Variants in SLC25A21 observed in about 807,000 individuals in gnomAD.
SLC25A21 encodes the protein solute carrier family 25 member 21.
Under a neutral mutation model 43.8 loss-of-function variants are expected in SLC25A21, and 47 were observed. The observed-to-expected ratio is 1.07, with a 90% CI of 0.85 to 1.37. The LOEUF (loss-of-function observed/expected upper bound fraction) is 1.37, where lower values mean the gene tolerates loss of function less well. Ranked by LOEUF, SLC25A21 falls within the 40% of genes most tolerant of loss-of-function variation. SLC25A21 has a pLI of 0.00. For synonymous variants in SLC25A21, 131 were observed against 121.3 expected, an observed-to-expected ratio of 1.08 and a Z score of -0.52; for missense variants, 352 against 350.2, an observed-to-expected ratio of 1.00 and a Z score of -0.04.
At chr14:37,139,279 A>G (rs1963533008) in intron 1 of SLC25A21, among the ~76,000 whole-genome samples, 2 of 152,148 alleles carry the variant, frequency 1.3e-5, no homozygotes, top group African/African-American at 4.8e-5. Flanking sequence ...AAAATAAATA[A>G]CAGGACAAAT....
At chr14:36,851,841 T>TTTGC (rs1036236029) in intron 2 of SLC25A21, among the ~76,000 whole-genome samples, 8 of 152,256 alleles carry the variant, frequency 5.3e-5, no homozygotes, top group Non-Finnish European at 1.0e-4. Context: ...CACACTGATG[T>TTTGC]TTGCTTGCTT....
At chr14:37,143,675 T>G (rs1963609790) in intron 1 of SLC25A21, among the ~76,000 whole-genome samples, 1 of 151,926 alleles carries the variant, frequency 6.6e-6, no homozygotes, top group Non-Finnish European at 1.5e-5. Context: ...TTTGACTGAT[T>G]TCATCATCAT....
chr14:36,716,973 T>A (rs79801903), intron 6 of SLC25A21, among the ~76,000 whole-genome samples: 2,067 of 152,310 alleles, frequency 0.014, 42 homozygotes, highest in African/African-American at 0.046. Context: ...ACGGGTGTTG[T>A]ACCGGATTTC....
At chr14:37,035,290 G>A (rs866755098) in intron 1 of SLC25A21, among the ~76,000 whole-genome samples, 2 of 152,200 alleles carry the variant, frequency 1.3e-5, no homozygotes, top group Admixed American at 6.5e-5. Flanking sequence ...GGGAAATACC[G>A]GAGTTTGCTT....
chr14:36,779,613 T>TAC (rs1173404000), intron 3 of SLC25A21, among the ~76,000 whole-genome samples: 11 of 19,514 alleles, frequency 5.6e-4, no homozygotes, highest in African/African-American at 2.6e-3. Flanking sequence ...TGTATACATA[T>TAC]ATATATATAT....
intron 1 of SLC25A21, among the ~76,000 whole-genome samples, chr14:36,915,428 C>CA (rs1249372997): frequency 6.6e-6 from 1 of 152,110 alleles, no homozygotes; most frequent in East Asian, 1.9e-4. Flanking sequence ...ATGCTAGAAA[C>CA]AATTCTATAG....
intron 1 of SLC25A21, among the ~76,000 whole-genome samples, chr14:36,934,231 C>G (rs1206003613): frequency 1.3e-5 from 2 of 151,988 alleles, no homozygotes; most frequent in African/African-American, 4.8e-5. Context: ...CTGTCTGAAT[C>G]TCAGGCAAAG....
intron 1 of SLC25A21, among the ~76,000 whole-genome samples, chr14:36,899,539 G>A (rs1178066506): frequency 6.6e-6 from 1 of 152,180 alleles, no homozygotes; most frequent in Non-Finnish European, 1.5e-5. Flanking sequence ...GCAGAGACCA[G>A]GGCCAGGAGG....
At chr14:36,860,073 T>G (rs1029666172) in intron 2 of SLC25A21, among the ~76,000 whole-genome samples, 9 of 150,434 alleles carry the variant, frequency 6.0e-5, no homozygotes, top group African/African-American at 2.2e-4. Flanking sequence ...ACAGTTAACG[T>G]GTACACAAAT....
intron 2 of SLC25A21, among the ~76,000 whole-genome samples, chr14:36,830,886 T>C (rs1222719537): frequency 6.6e-6 from 1 of 152,090 alleles, no homozygotes; most frequent in Non-Finnish European, 1.5e-5. Flanking sequence ...GTTGATCAAA[T>C]GGCCCCAGTT....
At position 36,684,873 on chromosome 14, in the gene SLC25A21, G is replaced by A. The variant is rs750373497; in HGVS notation, c.656C>T (p.Thr219Ile). 2 of 1,613,414 alleles carry A rather than the reference G, an allele frequency of 1.2e-6. No individual in the cohort carries two copies. Among genetic ancestry groups the A allele is most frequent in the African/African-American group, 2.7e-5 (2 of 74,816 alleles). Residue 219 changes from threonine (T) to isoleucine (I), a missense_variant, in exon 8 of 10, where the codon ACA becomes ATA. Physicochemically the swap from Thr to Ile is moderately conservative, Grantham distance 89. Transcript: ENST00000331299. ...RKFGIGLLSG[T>I]IASVINIPFD... ...AGGGATGTTAATGACTGAGGCTATT[G>A]TCCCCGAGAGAAGACCAATCCCAAA...
chr14:37,118,787 T>C (rs1204196816), intron 1 of SLC25A21, among the ~76,000 whole-genome samples: 1 of 152,072 alleles, frequency 6.6e-6, no homozygotes, highest in East Asian at 1.9e-4. Flanking sequence ...AAATCCACCA[T>C]TACAATAATT....
chr14:37,086,258 T>C lies in SLC25A21; in HGVS notation c.70+86023A>G, dbSNP rs79588031. 0.018 allele frequency among the ~76,000 whole-genome samples: 2,773 copies of C among 152,232 alleles called. 200 individuals are homozygous for C. In the East Asian group the frequency reaches 0.26, roughly 14 times the overall value. ...TTATAATATGGTTCAATATTACAACTGTTTGGCTAGGCCACAGGTCAAATC... is the reference window on the plus strand; with the variant it reads ...TTATAATATGGTTCAATATTACAACCGTTTGGCTAGGCCACAGGTCAAATC... On this transcript the variant is annotated intron_variant, in intron 1 of 9. Transcript: ENST00000331299.
intron 3 of SLC25A21, among the ~76,000 whole-genome samples, chr14:36,799,100 C>A (rs537886985): frequency 6.6e-6 from 1 of 152,270 alleles, no homozygotes; most frequent in South Asian, 2.1e-4. Flanking sequence ...GTATGATCTT[C>A]CCTGCCAAGG....
intron 1 of SLC25A21, among the ~76,000 whole-genome samples, chr14:37,046,173 C>T (rs1236739475): frequency 6.6e-6 from 1 of 152,158 alleles, no homozygotes; most frequent in African/African-American, 2.4e-5. Context: ...CAATCTGCCT[C>T]AAGGGTTCTT....
chr14:37,151,019 TTCTCTC>T (rs367625540), intron 1 of SLC25A21, among the ~76,000 whole-genome samples: 2 of 150,680 alleles, frequency 1.3e-5, no homozygotes, highest in African/African-American at 4.9e-5. Context: ...CATTGGTAGG[TTCTCTC>T]TCTCTCTCTC....
At chr14:36,968,255 T>G (rs1300225061) in intron 1 of SLC25A21, among the ~76,000 whole-genome samples, 3 of 152,156 alleles carry the variant, frequency 2.0e-5, no homozygotes, top group Non-Finnish European at 4.4e-5. Context: ...AACCTGATTC[T>G]TTTCCCTCAT....
chr14:36,856,478 C>T (rs948073507), intron 2 of SLC25A21, among the ~76,000 whole-genome samples: 1 of 152,168 alleles, frequency 6.6e-6, no homozygotes, highest in East Asian at 1.9e-4. Context: ...CGAGTGGGCA[C>T]TGGGGAGGAC....
At chr14:36,846,732 A>G (rs1225591035) in intron 2 of SLC25A21, among the ~76,000 whole-genome samples, 1 of 152,202 alleles carries the variant, frequency 6.6e-6, no homozygotes, top group East Asian at 1.9e-4. Context: ...TCCATTCAAC[A>G]AAAGTGTGTT....
Sources: allele counts gnomAD v4.1 joint callset (sites outside exome capture counted in the v4.1 genomes callset), GRCh38; gene constraint gnomAD v4.1.1; transcripts MANE v1.5; gene names NCBI Gene and HGNC (gene_info 2026-07-23, HGNC 2026-07-21).